TBXAS1: variants seen among roughly 807,000 people sequenced by gnomAD.
The protein encoded by TBXAS1 is thromboxane-A synthase.
Under a neutral mutation model 60.7 loss-of-function variants are expected in TBXAS1, and 48 were observed. The observed-to-expected ratio is 0.79, with a 90% CI of 0.63 to 1.01. The LOEUF is 1.01. Among genes scored for constraint, TBXAS1 ranks in the 50% least tolerant of loss-of-function variants. The pLI, the probability that TBXAS1 is intolerant of heterozygous loss-of-function variation, is 0.00. For missense variants in TBXAS1, 685 were observed against 686.3 expected, an observed-to-expected ratio of 1.00 and a Z score of 0.02; for synonymous variants, 287 against 269.7, an observed-to-expected ratio of 1.06 and a Z score of -0.63.
intron 4 of TBXAS1, among the ~76,000 whole-genome samples, chr7:139,791,273 G>A (rs1018565962): frequency 6.6e-6 from 1 of 152,218 alleles, no homozygotes; most frequent in Non-Finnish European, 1.5e-5. Flanking sequence ...GTCAGCATAG[G>A]GGTTTAGTGA....
At chr7:140,017,980 G>A in intron 12 of TBXAS1, 147 bp downstream of exon 12, 1 of 1,052,158 alleles carries the variant, frequency 9.5e-7, no homozygotes, top group Non-Finnish European at 1.4e-6. Context: ...CTCGGCCTCA[G>A]TTTCTTGATT....
At chr7:139,976,292 T>C (rs1811557778) in intron 9 of TBXAS1, among the ~76,000 whole-genome samples, 1 of 152,112 alleles carries the variant, frequency 6.6e-6, no homozygotes, top group African/African-American at 2.4e-5. Context: ...TTCATATCCA[T>C]TGAGACAAGT....
intron 9 of TBXAS1, among the ~76,000 whole-genome samples, chr7:140,002,393 C>T (rs540799927): frequency 1.3e-5 from 2 of 152,362 alleles, no homozygotes; most frequent in South Asian, 4.1e-4. Flanking sequence ...TCCTCTCTGT[C>T]AAGGAAGGAT....
intron 4 of TBXAS1, among the ~76,000 whole-genome samples, chr7:139,931,025 C>G (rs1167077502): frequency 6.6e-6 from 1 of 151,956 alleles, no homozygotes; most frequent in Non-Finnish European, 1.5e-5. Flanking sequence ...GAAACACATT[C>G]ACATTTTGAT....
chr7:139,778,670 C>T lies in TBXAS1; in HGVS notation c.-318+199C>T, dbSNP rs1186768618. On this transcript the variant is annotated intron_variant, in intron 1 of 16. Transcript: ENST00000336425. This position sits in a 1 kb window ranked among gnomAD's most constrained non-coding sequence, Gnocchi z 4.8. ...TTCCACGCCACCCTGATCTTCTCCT[C>T]CTCGCGTCTACACTGTCCCGAGGGC... Among the ~76,000 whole-genome samples, 1 of 151,878 alleles carries T rather than the reference C, an allele frequency of 6.6e-6. No individual in the cohort carries two copies. The highest frequency in any genetic ancestry group is 2.4e-5 in the African/African-American group (1 of 41,318).
At chr7:139,889,744 A>G (rs995600439) in intron 3 of TBXAS1, among the ~76,000 whole-genome samples, 1 of 152,192 alleles carries the variant, frequency 6.6e-6, no homozygotes, top group African/African-American at 2.4e-5. Context: ...CCTTTATAAG[A>G]GCACTAATCC....
rs142691008 is a variant in TBXAS1 at position 139,974,116 on chromosome 7, T to C, written c.1134+11883T>C. Among the ~76,000 whole-genome samples the C allele has an allele frequency of 2.3e-3, 357 of 152,304 alleles. 1 individual carries two copies. The highest frequency in any genetic ancestry group is 8.0e-3 in the African/African-American group (331 of 41,560). ...GAAGGAAGGGGATAAACTCCTCACC[T>C]CCCTGGCTATAGGCAAGAACTTCAA... is the stretch of plus-strand genomic sequence containing the variant. On this transcript the variant is annotated intron_variant, in intron 9 of 12. Coordinates refer to ENST00000448866, the MANE Select transcript of TBXAS1 (RefSeq NM_001061.7).
chr7:139,914,609 C>T (rs544311231), intron 4 of TBXAS1, among the ~76,000 whole-genome samples: 1 of 152,268 alleles, frequency 6.6e-6, no homozygotes, highest in African/African-American at 2.4e-5. Flanking sequence ...TCCACCTCTT[C>T]CACACCCATC....
chr7:139,952,521 G>A (rs758895618), intron 5 of TBXAS1: 75 of 1,534,908 alleles, frequency 4.9e-5, no homozygotes, highest in African/African-American at 6.8e-5. Flanking sequence ...AATGGGCAGC[G>A]AATAAAATGA....
At chr7:139,819,808 A>G (rs771236284) in intron 4 of TBXAS1, among the ~76,000 whole-genome samples, 13 of 151,754 alleles carry the variant, frequency 8.6e-5, no homozygotes, top group Non-Finnish European at 1.8e-4. Context: ...CAGCCTCCCC[A>G]ACTCAGCTCT....
chr7:139,799,470 A>G (rs113894481), intron 4 of TBXAS1, among the ~76,000 whole-genome samples: 2,113 of 152,144 alleles, frequency 0.014, 43 homozygotes, highest in African/African-American at 0.049. Flanking sequence ...AGCTCAGGCA[A>G]TCTGCCTGCC....
intron 5 of TBXAS1, chr7:139,952,680 C>T (rs1023084754): frequency 2.6e-6 from 4 of 1,526,858 alleles, no homozygotes; most frequent in Non-Finnish European, 2.6e-6. Context: ...TGCCACTCTA[C>T]CTTTCTGTGT....
intron 5 of TBXAS1, among the ~76,000 whole-genome samples, chr7:139,938,535 G>A (rs1247958491): frequency 6.6e-6 from 1 of 152,210 alleles, no homozygotes. Flanking sequence ...ACAGGAGAAT[G>A]TGAAGGAAGG....
chr7:139,859,125 T>A (rs1431970313), intron 1 of TBXAS1, among the ~76,000 whole-genome samples: 1 of 151,968 alleles, frequency 6.6e-6, no homozygotes, highest in Non-Finnish European at 1.5e-5. Context: ...TCCGCCTGCC[T>A]CTGCCTCCCA....
intron 4 of TBXAS1, among the ~76,000 whole-genome samples, chr7:139,821,128 T>C (rs1798283445): frequency 6.6e-6 from 1 of 152,128 alleles, no homozygotes; most frequent in Admixed American, 6.5e-5. Flanking sequence ...GATTTTGAGA[T>C]GAGGGGGCTG....
At chr7:139,887,055 T>A (rs897959954) in intron 3 of TBXAS1, among the ~76,000 whole-genome samples, 2 of 152,080 alleles carry the variant, frequency 1.3e-5, no homozygotes, top group African/African-American at 4.8e-5. Flanking sequence ...GTACCAGGGC[T>A]TCAGGGCCCG....
At chr7:139,859,609 T>C (rs1372322955) in intron 1 of TBXAS1, among the ~76,000 whole-genome samples, 4 of 152,154 alleles carry the variant, frequency 2.6e-5, no homozygotes, top group Non-Finnish European at 5.9e-5. Context: ...CTAAAAGAAA[T>C]TGGGAAATAA....
chr7:139,966,200 AT>A (rs1412646742), intron 9 of TBXAS1, among the ~76,000 whole-genome samples: 1 of 152,116 alleles, frequency 6.6e-6, no homozygotes, highest in Admixed American at 6.5e-5. Flanking sequence ...TGTCAATGAG[AT>A]TGCTTAATTT....
chr7:139,792,788 A>G (rs1371039540), intron 4 of TBXAS1, among the ~76,000 whole-genome samples: 4 of 152,258 alleles, frequency 2.6e-5, no homozygotes, highest in Admixed American at 2.6e-4. Flanking sequence ...AGAGAAGGGT[A>G]TACTTTCATC....
Sources: gnomAD v4.1 joint callset for allele counts (sites outside exome capture counted in the v4.1 genomes callset) on GRCh38, gnomAD v4.1.1 for gene constraint, Gnocchi (gnomAD v3.1) non-coding constraint, MANE v1.5 for transcripts, NCBI Gene and HGNC (gene_info 2026-07-23, HGNC 2026-07-21) for gene names.